TULP4: variants seen among roughly 807,000 people sequenced by gnomAD.
TULP4 encodes the protein TUB like protein 4.
In TULP4, 16 loss-of-function variants were observed where a neutral mutation model predicts 129.0. The ratio of observed to expected loss-of-function variants is 0.12; its 90% CI spans 0.08 to 0.19. TULP4 has a LOEUF of 0.19. Ranked by LOEUF, TULP4 falls within the 10% of genes least tolerant of loss-of-function variation. TULP4 has a pLI of 1.00. For missense variants in TULP4, 1,842 were observed against 2,059.1 expected, an observed-to-expected ratio of 0.89 and a Z score of 2.04; for synonymous variants, 998 against 854.0, an observed-to-expected ratio of 1.17 and a Z score of -2.94.
intron 1 of TULP4, among the ~76,000 whole-genome samples, chr6:158,266,652 A>T (rs569294100): frequency 1.1e-4 from 16 of 152,354 alleles, no homozygotes; most frequent in Admixed American, 1.0e-3. Context: ...GAAAAAAAAT[A>T]CAACAAAAAT....
intron 1 of TULP4, among the ~76,000 whole-genome samples, chr6:158,250,103 T>C (rs1778111312): frequency 1.3e-5 from 2 of 152,042 alleles, no homozygotes; most frequent in African/African-American, 2.4e-5. Context: ...CCCAAAGTGC[T>C]GGGATTAGAG....
chr6:158,290,157 A>C (rs573803330), intron 1 of TULP4, among the ~76,000 whole-genome samples: 1 of 152,216 alleles, frequency 6.6e-6, no homozygotes, highest in East Asian at 1.9e-4. Flanking sequence ...GCTGATCTCG[A>C]TCTCCTGGGC....
intron 1 of TULP4, among the ~76,000 whole-genome samples, chr6:158,267,270 C>G (rs1012800880): frequency 6.6e-6 from 1 of 152,012 alleles, no homozygotes; most frequent in Non-Finnish European, 1.5e-5. Context: ...TGATGGACAC[C>G]GGGTAATTAA....
chr6:158,502,030 C>T lies in TULP4; in HGVS notation c.2367C>T (p.Gly789=). Residue 789 remains glycine, a synonymous_variant, in exon 13 of 14, where the codon GGC becomes GGT. Coordinates refer to ENST00000367097, the MANE Select transcript of TULP4 (RefSeq NM_020245.5). Reference sequence around the variant, plus strand: ...GGCCCATGCAGCTGTCCACGGTGGGCCATGGAGACCGAGACCACGAACACC... The same window carrying T: ...GGCCCATGCAGCTGTCCACGGTGGGTCATGGAGACCGAGACCACGAACACC... The part of the protein sequence containing the change: ...PQGPMQLSTV[G]HGDRDHEHLQ... 2 of 1,613,668 alleles carry T rather than the reference C, an allele frequency of 1.2e-6. No homozygotes were observed. The highest frequency in any genetic ancestry group is 1.1e-5 in the South Asian group (1 of 91,006).
chr6:158,306,056 T>A (rs1269365644), intron 1 of TULP4, among the ~76,000 whole-genome samples: 1 of 152,172 alleles, frequency 6.6e-6, no homozygotes, highest in Non-Finnish European at 1.5e-5. Context: ...TTTTTGTTGT[T>A]AGATTTTTGT....
chr6:158,347,051 G>A (rs1007444245), intron 1 of TULP4, among the ~76,000 whole-genome samples: 4 of 152,148 alleles, frequency 2.6e-5, no homozygotes, highest in African/African-American at 9.7e-5. Flanking sequence ...ATAAGCCATT[G>A]CAATATTTCT....
chr6:158,397,628 T>C (rs1777748544), intron 1 of TULP4, among the ~76,000 whole-genome samples: 1 of 152,206 alleles, frequency 6.6e-6, no homozygotes, highest in Non-Finnish European at 1.5e-5. Context: ...ACAATTCTTC[T>C]TCCAGTGTGG....
Position 158,508,713 on chromosome 6 carries a change from G to C in TULP4, c.*2019G>C, listed in dbSNP as rs1472904182. The C allele has an allele frequency of 6.6e-6, 1 of 152,456 alleles. No individual in the cohort carries two copies. The highest frequency in any genetic ancestry group is 1.5e-5 in the Non-Finnish European group (1 of 68,012). 9.4% of individuals were successfully genotyped at this position (152,456 alleles called of 1,614,324 possible). ...AATTCCCCTGTTTTGTCGTTTAGGA[G>C]ATAATTATTTATCTTGCTTTTCATA... On this transcript the variant is annotated 3_prime_UTR_variant, in exon 14 of 14. Transcript: ENST00000367097.
chr6:158,237,701 T>C (rs1241083636), intron 1 of TULP4: 2 of 1,012,078 alleles, frequency 2.0e-6, no homozygotes, highest in South Asian at 2.6e-5. Flanking sequence ...AAATCTCCCT[T>C]TCCTTGTTCC....
Position 158,501,938 on chromosome 6 carries a change from G to A in TULP4, c.2275G>A (p.Gly759Arg), listed in dbSNP as rs760492393. The change falls in exon 13 of 14, where the codon GGA becomes AGA. Residue 759 changes from glycine (G) to arginine (R), a missense_variant. Gly to Arg is a moderately radical substitution (Grantham distance 125). This residue lies in a region of TULP4 where 1,089 missense variants were observed against 987.1 expected (regional missense o/e 1.10). Transcript: ENST00000367097. ...RYSNPGQVIF[G>R]SVEMGRIIQN... ...CTCCAATCCTGGACAGGTGATTTTC[G>A]GAAGCGTGGAAATGGGCCGCATCAT... The A allele has an allele frequency of 8.7e-6, 14 of 1,613,858 alleles. No individual in the cohort carries two copies. The highest frequency in any genetic ancestry group is 1.6e-4 in the Middle Eastern group (1 of 6,084).
At chr6:158,362,447 T>C (rs144498445) in intron 1 of TULP4, among the ~76,000 whole-genome samples, 2,185 of 152,226 alleles carry the variant, frequency 0.014, 24 homozygotes, top group Non-Finnish European at 0.024. Context: ...CCTCCTGGGC[T>C]CAAGCAATGC....
chr6:158,363,720 A>G (rs1780852736), intron 1 of TULP4, among the ~76,000 whole-genome samples: 1 of 152,008 alleles, frequency 6.6e-6, no homozygotes, highest in Non-Finnish European at 1.5e-5. Context: ...TCCTGACCTC[A>G]GGTGATCCAC....
intron 1 of TULP4, among the ~76,000 whole-genome samples, chr6:158,374,019 G>C (rs189660393): frequency 2.0e-5 from 3 of 152,324 alleles, no homozygotes; most frequent in African/African-American, 4.8e-5. Flanking sequence ...TGTCCTGCTA[G>C]TTGGAAATCT....
At chr6:158,252,194 T>G (rs1320074724) in intron 1 of TULP4, among the ~76,000 whole-genome samples, 1 of 152,212 alleles carries the variant, frequency 6.6e-6, no homozygotes, top group East Asian at 1.9e-4. Context: ...TTGGTTGCCT[T>G]GTAACTCCAT....
intron 1 of TULP4, among the ~76,000 whole-genome samples, chr6:158,253,351 T>C (rs1392905111): frequency 2.6e-5 from 4 of 152,322 alleles, no homozygotes; most frequent in Middle Eastern, 3.4e-3. Context: ...ACACGTGTCT[T>C]ACTCTTCAGA....
chr6:158,325,008 C>A (rs141349816), intron 1 of TULP4, among the ~76,000 whole-genome samples: 41 of 152,266 alleles, frequency 2.7e-4, no homozygotes, highest in African/African-American at 9.6e-4. Context: ...ACCAGACATA[C>A]ATAGTCATGA....
In TULP4 at chr6:158,312,782, T is replaced by C. The variant is rs148449322; in HGVS notation, c.-1235T>C. 6.5e-4 allele frequency: 99 copies of C among 152,288 alleles called. 1 individual carries two copies. The highest frequency in any genetic ancestry group is 2.0e-3 in the African/African-American group (85 of 41,562). 9.4% of individuals were successfully genotyped at this position (152,288 alleles called of 1,614,324 possible). ...GGAAAATCCAAGCAAAGCTTTCTTT[T>C]TGTTGGACTAGTGGTGTGGTGTTTG... On this transcript the variant is annotated 5_prime_UTR_variant, in exon 1 of 14. Coordinates refer to ENST00000367097, the MANE Select transcript of TULP4 (RefSeq NM_020245.5).
intron 1 of TULP4, among the ~76,000 whole-genome samples, chr6:158,392,599 T>G (rs555538600): frequency 6.6e-6 from 1 of 151,972 alleles, no homozygotes; most frequent in Non-Finnish European, 1.5e-5. Flanking sequence ...TCAGCAGATA[T>G]CTGCTCACAT....
chr6:158,278,199 G>GT (rs1193452164), upstream of TULP4, among the ~76,000 whole-genome samples: 2 of 152,214 alleles, frequency 1.3e-5, no homozygotes, highest in Non-Finnish European at 1.5e-5. Context: ...TGGGGAAAGT[G>GT]TAAGGTCTGT....
Sources: allele counts gnomAD v4.1 joint callset (sites outside exome capture counted in the v4.1 genomes callset), GRCh38; gene constraint gnomAD v4.1.1; regional missense constraint gnomAD v4.1.1; transcripts MANE v1.5; gene names NCBI Gene and HGNC (gene_info 2026-07-23, HGNC 2026-07-21).